The following BTBD2 variants were observed in gnomAD, a reference collection of about 807,000 sequenced individuals.
BTBD2 encodes BTB/POZ domain-containing protein 2.
BTBD2 carries 15 observed loss-of-function variants against 44.0 expected under a neutral mutation model. The observed-to-expected ratio is 0.34, with a 90% CI of 0.23 to 0.53. The LOEUF is 0.53. Ranked by LOEUF, BTBD2 falls within the 20% of genes least tolerant of loss-of-function variation. The pLI is 0.95. For synonymous variants in BTBD2, 443 were observed against 335.9 expected (o/e 1.32, Z -3.49); for missense variants, 657 against 746.4 (o/e 0.88, Z 1.39).
At chr19:2,008,468 T>G (rs1237886067) in intron 1 of BTBD2, among the ~76,000 whole-genome samples, 1 of 151,656 alleles carries the variant, frequency 6.6e-6, no homozygotes, top group Non-Finnish European at 1.5e-5. Flanking sequence ...TTTTTGTATT[T>G]TTAATACAGA....
chr19:1,994,622 G>A (rs567262396), intron 2 of BTBD2, among the ~76,000 whole-genome samples: 19 of 151,980 alleles, frequency 1.3e-4, no homozygotes, highest in Non-Finnish European at 2.6e-4. Context: ...AGCCAGGCGT[G>A]GTGGCGTGTG....
At chr19:1,994,720 C>CT (rs1293676716) in intron 2 of BTBD2, among the ~76,000 whole-genome samples, 1 of 152,170 alleles carries the variant, frequency 6.6e-6, no homozygotes, top group East Asian at 1.9e-4. Context: ...GATCGTGCCA[C>CT]TGCACTCCAG....
chr19:2,004,734 T>G (rs1285230161), intron 1 of BTBD2, among the ~76,000 whole-genome samples: 3 of 151,268 alleles, frequency 2.0e-5, no homozygotes, highest in Non-Finnish European at 4.4e-5. Flanking sequence ...ATCCCAGGAC[T>G]TCGAGAGGCC....
chr19:1,992,695 C>G (rs970747633), intron 3 of BTBD2, among the ~76,000 whole-genome samples: 1 of 152,142 alleles, frequency 6.6e-6, no homozygotes, highest in African/African-American at 2.4e-5. Context: ...CCTCAGCCTC[C>G]CAAGTAGCTG....
rs1469932490 is a variant in BTBD2 at position 1,990,040 on chromosome 19, G to A, written c.952C>T (p.Arg318Cys). 2.5e-6 allele frequency: 4 copies of A among 1,613,364 alleles called. No homozygotes were observed. The highest frequency in any genetic ancestry group is 1.1e-5 in the South Asian group (1 of 91,084). Residue 318 changes from arginine to cysteine, a missense_variant, in exon 5 of 9, where the codon CGC (arginine) becomes TGC (cysteine). Transcript: ENST00000255608. ...TCCTCGATGGTCATGAGCGGGAAGC[G>A]AATGAGGCCCAGGGCCTTGCCCAGA... ...KVLGKALGLIRFPLMTIEEFA... is the reference protein window; with the variant it reads ...KVLGKALGLICFPLMTIEEFA...
intron 3 of BTBD2, chr19:1,991,744 A>C (rs971697231): frequency 6.5e-6 from 1 of 152,672 alleles, no homozygotes; most frequent in East Asian, 1.9e-4. Flanking sequence ...ACGGCTCCCA[A>C]GCGGCCGTCC....
At chr19:1,997,258 T>G in intron 2 of BTBD2, 86 bp downstream of exon 2, 3 of 1,578,580 alleles carry the variant, frequency 1.9e-6, no homozygotes, top group Non-Finnish European at 2.6e-6. Context: ...CCAGGGCCTC[T>G]GAGCTGGTGT....
chr19:2,004,395 G>T (rs1038132632), intron 1 of BTBD2, among the ~76,000 whole-genome samples: 2 of 151,238 alleles, frequency 1.3e-5, no homozygotes, highest in Admixed American at 6.6e-5. Context: ...CCTCCCGGGT[G>T]CAAGCAATTC....
At chr19:1,990,967 C>A in intron 3 of BTBD2, 145 bp from the exon 4 acceptor site, 1 of 693,748 alleles carries the variant, frequency 1.4e-6, no homozygotes, top group South Asian at 1.8e-5. Flanking sequence ...TCTCAGCCAC[C>A]AGGCCGGCCC....
At position 2,015,431 on chromosome 19, in the gene BTBD2, C is replaced by G. The variant is rs762879823; in HGVS notation, c.273G>C (p.Glu91Asp). 2 of 1,505,758 alleles carry G rather than the reference C, an allele frequency of 1.3e-6. No homozygotes were observed. Among genetic ancestry groups the G allele is most frequent in the Non-Finnish European group, 1.8e-6 (2 of 1,133,818 alleles). The allele number at this position is 1,505,758 out of a possible 1,614,324, so 93.3% of individuals were successfully genotyped here. The change falls in exon 1 of 9, where the codon GAG becomes GAC. Residue 91 changes from glutamate (E) to aspartate (D), a missense_variant. By Grantham distance (45) the Glu-to-Asp change is conservative. Coordinates refer to ENST00000255608, the MANE Select transcript of BTBD2 (RefSeq NM_017797.4). ...AGPGAAALQREAAYNWQASKP... is the reference protein window; with the variant it reads ...AGPGAAALQRDAAYNWQASKP... ...TGCTGGCCTGCCAGTTGTACGCGGC[C>G]TCGCGCTGCAGCGCCGCCGCCCCCG...
At chr19:1,999,114 C>T (rs374280250) in intron 1 of BTBD2, among the ~76,000 whole-genome samples, 47 of 152,260 alleles carry the variant, frequency 3.1e-4, no homozygotes, top group Non-Finnish European at 4.0e-4. Flanking sequence ...AGAAGCTCCT[C>T]GCTCTCCTCC....
At chr19:2,003,067 G>A (rs2016350394) in intron 1 of BTBD2, 1 of 152,062 alleles carries the variant, frequency 6.6e-6, no homozygotes, top group Admixed American at 6.6e-5. Flanking sequence ...AAAGAAAGAC[G>A]CCACTTTGGG....
In BTBD2 at chr19:1,986,916, C is replaced by T. The variant is rs762211493; in HGVS notation, c.1330G>A (p.Gly444Ser). The change falls in exon 8 of 9, where the codon GGC becomes AGC. Residue 444 changes from glycine to serine, a missense_variant. By Grantham distance (56) the Gly-to-Ser change is moderately conservative. This residue lies in a region of BTBD2 where 449 missense variants were observed against 510.9 expected (regional missense o/e 0.88). Coordinates refer to ENST00000255608, the MANE Select transcript of BTBD2 (RefSeq NM_017797.4). ...ATGACGCGGAAGGTGCTGGCTGAGC[C>T]GTCGCAGCTGAAGCCCGTGTCGTTC... ...GQNDTGFSCD[G>S]SASTFRVMFK... 18 of 1,613,176 alleles carry T rather than the reference C, an allele frequency of 1.1e-5. No individual in the cohort carries two copies. Among genetic ancestry groups the T allele is most frequent in the Middle Eastern group, 1.6e-4 (1 of 6,078 alleles).
intron 5 of BTBD2, 48 bp downstream of exon 5, chr19:1,989,956 G>A (rs769694729): frequency 1.2e-6 from 2 of 1,601,544 alleles, no homozygotes; most frequent in South Asian, 2.2e-5. Flanking sequence ...ATGCCCACCT[G>A]TGTGCCACTC....
At chr19:1,995,805 TTTC>T (rs1238712981) in intron 2 of BTBD2, among the ~76,000 whole-genome samples, 4 of 151,770 alleles carry the variant, frequency 2.6e-5, no homozygotes, top group Non-Finnish European at 2.9e-5. Flanking sequence ...CCCGGCTAAT[TTTC>T]TTATTTTTTA....
At chr19:2,015,251 A>C in intron 1 of BTBD2, 46 bp downstream of exon 1, 1 of 1,331,616 alleles carries the variant, frequency 7.5e-7, no homozygotes, top group Non-Finnish European at 9.8e-7. Flanking sequence ...CCCGGGCAGC[A>C]GGCTGGGTGG....
chr19:2,003,996 G>A (rs566888192), intron 1 of BTBD2, among the ~76,000 whole-genome samples: 4 of 151,714 alleles, frequency 2.6e-5, no homozygotes, highest in African/African-American at 9.7e-5. Flanking sequence ...AGAGAACTCA[G>A]CCATCCCTCC....
intron 1 of BTBD2, among the ~76,000 whole-genome samples, chr19:2,002,425 G>A (rs192878515): frequency 3.2e-4 from 49 of 152,310 alleles, no homozygotes; most frequent in Non-Finnish European, 5.6e-4. Context: ...GCTCAAGGAC[G>A]GAGATGTGGG....
At chr19:2,015,168 G>A (rs2016517361) in intron 1 of BTBD2, 129 bp downstream of exon 1, 1 of 1,341,212 alleles carries the variant, frequency 7.5e-7, no homozygotes, top group Admixed American at 3.3e-5. Context: ...CGGGGACAGA[G>A]GGGTGCAGGG....
Sources: allele counts gnomAD v4.1 joint callset (sites outside exome capture counted in the v4.1 genomes callset), GRCh38; gene constraint gnomAD v4.1.1; regional missense constraint gnomAD v4.1.1; transcripts MANE v1.5; gene names NCBI Gene and HGNC (gene_info 2026-07-23, HGNC 2026-07-21).